Variants in BCAM observed in about 807,000 individuals in gnomAD.
The protein encoded by BCAM is basal cell adhesion molecule (Lutheran blood group).
Under a neutral mutation model 72.4 loss-of-function variants are expected in BCAM, and 61 were observed. The ratio of observed to expected loss-of-function variants is 0.84; its 90% CI spans 0.69 to 1.04. BCAM has a LOEUF of 1.04. Among genes scored for constraint, BCAM ranks in the 50% least tolerant of loss-of-function variants. BCAM has a pLI of 0.00. For missense variants in BCAM, 909 were observed against 895.0 expected (o/e 1.02, Z -0.20); for synonymous variants, 408 against 384.2 (o/e 1.06, Z -0.73).
intron 11 of BCAM, 32 bp downstream of exon 11, chr19:44,819,224 CT>C (rs1273409725): frequency 1.9e-6 from 3 of 1,613,004 alleles, no homozygotes; most frequent in African/African-American, 2.7e-5. Context: ...CCTGAGCCCC[CT>C]CTCACTCATC....
rs759902037 is a variant in BCAM at position 44,819,177 on chromosome 19, C to A, written c.1458C>A (p.Ser486Arg). The change falls in exon 11 of 15, where the codon AGC becomes AGA. Residue 486 changes from serine (S) to arginine (R), a missense_variant. Coordinates refer to ENST00000270233, the MANE Select transcript of BCAM (RefSeq NM_005581.5). The stretch of plus-strand genomic sequence containing the variant: ...ATCCAGACCCCAAACTCAGCTGGAG[C>A]CAATTGGGGGGCAGCGTAAGGGACC... ...RGHPDPKLSW[S>R]QLGGSPAEPI... 8 of 1,614,052 alleles carry A rather than the reference C, an allele frequency of 5.0e-6. No individual in the cohort carries two copies. Among genetic ancestry groups the A allele is most frequent in the Non-Finnish European group, 6.8e-6 (8 of 1,179,972 alleles).
intron 2 of BCAM, 153 bp downstream of exon 2, chr19:44,811,499 G>A (rs776772631): frequency 1.6e-5 from 21 of 1,326,988 alleles, no homozygotes; most frequent in Non-Finnish European, 2.1e-5. Context: ...GAAGGGATCT[G>A]CAAGGTGCCC....
At position 44,812,153 on chromosome 19, in the gene BCAM, G is replaced by C. The variant is rs11083748; in HGVS notation, c.205-10G>C. ...ACACCCGGAGCTGAGAGCCTGCCCC[G>C]CGCCCACAGACCGACCGCTCGGGAG... is the stretch of plus-strand genomic sequence containing the variant. On this transcript the variant is annotated splice_polypyrimidine_tract_variant and intron_variant, in intron 2 of 14. Coordinates refer to ENST00000270233, the MANE Select transcript of BCAM (RefSeq NM_005581.5). The surrounding 1 kb of genome is among the most constrained non-coding windows in gnomAD (Gnocchi z 5.3). 1.4e-3 allele frequency: 2,154 copies of C among 1,591,478 alleles called. 24 individuals carry two copies. The African/African-American group carries it at 0.024, about 18-fold the overall frequency.
At position 44,814,260 on chromosome 19, in the gene BCAM, G is replaced by A. The variant is rs1207610090; in HGVS notation, c.893G>A (p.Ser298Asn). ...QLLCRGDGSPSPEYTLFRLQD... is the reference protein window; with the variant it reads ...QLLCRGDGSPNPEYTLFRLQD... ...CTCTGCCGGGGGGACGGCAGCCCCA[G>A]CCCGGAGTATACGCTTTTCCGCCTT... The change falls in exon 7 of 15, where the codon AGC (serine) becomes AAC (asparagine). Residue 298 changes from serine (S) to asparagine (N), a missense_variant. Physicochemically the swap from Ser to Asn is conservative, Grantham distance 46 (BLOSUM62 1). Transcript: ENST00000270233. The surrounding 1 kb of genome is among the most constrained non-coding windows in gnomAD (Gnocchi z 4.6). 2 of 1,594,176 alleles carry A rather than the reference G, an allele frequency of 1.3e-6. No homozygotes were observed. Among genetic ancestry groups the A allele is most frequent in the Admixed American group, 3.6e-5 (2 of 54,894 alleles).
rs200219071 is a variant in BCAM, at chr19:44,819,603, C to A, written c.1640C>A (p.Ala547Asp). The A allele has an allele frequency of 1.1e-5, 18 of 1,613,290 alleles. No homozygotes were observed. Among genetic ancestry groups the A allele is most frequent in the Non-Finnish European group, 1.4e-5 (17 of 1,179,648 alleles). Residue 547 changes from alanine (A) to aspartate (D), a missense_variant, in exon 13 of 15, where the codon GCT becomes GAT. Transcript: ENST00000270233. ...FGTVSPQTSQ[A>D]GVAVMAVAVS... The stretch of plus-strand genomic sequence containing the variant: ...GCAGTGAGCCCCCAGACCTCCCAGG[C>A]TGGAGTGGCCGTCATGGCCGTGGCC...
chr19:44,809,842 G>A (rs1968393834), intron 1 of BCAM, among the ~76,000 whole-genome samples: 1 of 133,020 alleles, frequency 7.5e-6, no homozygotes. Context: ...CCTGCATGAG[G>A]ATAGAAGGAG....
intron 13 of BCAM, 153 bp from the exon 14 acceptor site, chr19:44,820,552 T>A: frequency 3.6e-5 from 45 of 1,234,062 alleles, no homozygotes; most frequent in East Asian, 1.4e-4. Flanking sequence ...TACCAGCCCC[T>A]ACCCCATCCC....
At chr19:44,811,950 G>T in intron 2 of BCAM, 1 of 595,398 alleles carries the variant, frequency 1.7e-6, no homozygotes, top group Non-Finnish European at 2.9e-6. Context: ...GAAGGGATGG[G>T]ACCGGAATGA....
In BCAM at chr19:44,818,517, T is replaced by A. The variant is rs775480071; in HGVS notation, c.1079-5T>A. ...GGACGAGTGACAGACTGTCCCCCAC[T>A]GCAGATCTGGACCCCCTGGAGCTCA... On this transcript the variant is annotated splice_region_variant and splice_polypyrimidine_tract_variant and intron_variant, in intron 8 of 14. Coordinates refer to ENST00000270233, the MANE Select transcript of BCAM (RefSeq NM_005581.5). The surrounding 1 kb of genome is among the most constrained non-coding windows in gnomAD (Gnocchi z 4.6). 2 of 1,613,134 alleles carry A rather than the reference T, an allele frequency of 1.2e-6. No homozygotes were observed. Among genetic ancestry groups the A allele is most frequent in the Non-Finnish European group, 1.7e-6 (2 of 1,179,402 alleles).
chr19:44,809,833 C>G, intron 1 of BCAM, among the ~76,000 whole-genome samples: 1 of 128,184 alleles, frequency 7.8e-6, no homozygotes, highest in East Asian at 2.5e-4. Flanking sequence ...ATTTACACAC[C>G]TGCATGAGGA....
rs143018179 is a variant in BCAM, at chr19:44,812,542, C to T, written c.498C>T (p.Ala166=). The T allele has an allele frequency of 6.2e-7, 1 of 1,614,132 alleles. No individual in the cohort carries two copies. Among genetic ancestry groups the T allele is most frequent in the Non-Finnish European group, 8.5e-7 (1 of 1,180,004 alleles). ...CACTGTCTGTGATGGAGGACTCTGC[C>T]CAGGAGGTACCTCTCGGGTGGACCT... ...KGTLSVMEDS[A]QEIATCNSRN... is the part of the protein sequence containing the mutation. Residue 166 remains alanine, a synonymous_variant, in exon 4 of 15, where the codon GCC becomes GCT. Coordinates refer to ENST00000270233, the MANE Select transcript of BCAM (RefSeq NM_005581.5). The surrounding 1 kb of genome is among the most constrained non-coding windows in gnomAD (Gnocchi z 5.3).
In BCAM at chr19:44,820,973, G is replaced by T; in HGVS notation, c.*52G>T. ...TGGACCTGGAGCTGCAGGCATCAGAGAACCAGCCCTGCTCACGCCATGCCC... is the reference window on the plus strand; with the variant it reads ...TGGACCTGGAGCTGCAGGCATCAGATAACCAGCCCTGCTCACGCCATGCCC... On this transcript the variant is annotated 3_prime_UTR_variant, in exon 15 of 15. Coordinates refer to ENST00000270233, the MANE Select transcript of BCAM (RefSeq NM_005581.5). 6.6e-7 allele frequency: 1 copy of T among 1,522,454 alleles called. No homozygotes were observed. The highest frequency in any genetic ancestry group is 8.8e-7 in the Non-Finnish European group (1 of 1,134,980). 94.3% of individuals were successfully genotyped at this position (1,522,454 alleles called of 1,614,324 possible). A position where few individuals can be genotyped will look rare whatever the true frequency, so the allele number is the denominator to read the frequency against.
chr19:44,815,035 A>G (rs1435630863), intron 8 of BCAM, among the ~76,000 whole-genome samples: 2 of 149,864 alleles, frequency 1.3e-5, no homozygotes, highest in Non-Finnish European at 3.0e-5. Context: ...GAGCCACCGC[A>G]TCTTGTCGAG....
At chr19:44,819,240 T>C (rs1968545419) in intron 11 of BCAM, 48 bp downstream of exon 11, 1 of 1,611,702 alleles carries the variant, frequency 6.2e-7, no homozygotes, top group Non-Finnish European at 8.5e-7. Context: ...CTCATCCAAG[T>C]ATCACACCCT....
At chr19:44,820,295 G>A (rs953084167) in intron 13 of BCAM, 210 of 1,011,354 alleles carry the variant, frequency 2.1e-4, no homozygotes, top group Non-Finnish European at 2.3e-4. Flanking sequence ...GTCCTCCACC[G>A]TCCCGAAGCC....
intron 8 of BCAM, among the ~76,000 whole-genome samples, chr19:44,816,128 G>A (rs1161101852): frequency 6.6e-6 from 1 of 152,112 alleles, no homozygotes. Context: ...GACCAGCCTG[G>A]CCAACATAGT....
rs529025610 is a variant in BCAM, at chr19:44,813,102, G to A, written c.505-148G>A. On this transcript the variant is annotated intron_variant, in intron 4 of 14. Transcript: ENST00000270233. This position sits in a 1 kb window ranked among gnomAD's most constrained non-coding sequence, Gnocchi z 4.2. ...GGCCTGGACTCTTTAGTCTGAGTCGGGGACTAGGAATTTGGACTCCTGGGT... is the reference window on the plus strand; with the variant it reads ...GGCCTGGACTCTTTAGTCTGAGTCGAGGACTAGGAATTTGGACTCCTGGGT... 4 of 828,072 alleles carry A rather than the reference G, an allele frequency of 4.8e-6. No homozygotes were observed. Among genetic ancestry groups the A allele is most frequent in the African/African-American group, 3.4e-5 (2 of 58,056 alleles). The allele number at this position is 828,072 out of a possible 1,614,324, so 51.3% of individuals were successfully genotyped here. A position where few individuals can be genotyped will look rare whatever the true frequency, so the allele number is the denominator to read the frequency against.
chr19:44,818,304 T>G lies in BCAM; in HGVS notation c.1079-218T>G, dbSNP rs913845336. On this transcript the variant is annotated intron_variant, in intron 8 of 14. Transcript: ENST00000270233. This position sits in a 1 kb window ranked among gnomAD's most constrained non-coding sequence, Gnocchi z 4.6. ...TCAGCTCTGAAGAAAAGTAATTGAC[T>G]TGGGCATGTCAATGTTGGGGTTAGA... Among the ~76,000 whole-genome samples, 4 of 152,164 alleles carry G rather than the reference T, an allele frequency of 2.6e-5. No homozygotes were observed. The highest frequency in any genetic ancestry group is 2.1e-4 in the South Asian group (1 of 4,818).
At chr19:44,811,878 T>G (rs1968425537) in intron 2 of BCAM, 5 of 505,812 alleles carry the variant, frequency 9.9e-6, no homozygotes. Context: ...AGCAAGACTC[T>G]ATCTCAAAAA....
Sources: allele counts gnomAD v4.1 joint callset (sites outside exome capture counted in the v4.1 genomes callset), GRCh38; gene constraint gnomAD v4.1.1; non-coding constraint Gnocchi (gnomAD v3.1); transcripts MANE v1.5; gene names NCBI Gene and HGNC (gene_info 2026-07-23, HGNC 2026-07-21).